KCNT1: variants seen among roughly 807,000 people sequenced by gnomAD.
KCNT1 encodes potassium channel subfamily T member 1.
In KCNT1, 78 loss-of-function variants were observed where a neutral mutation model predicts 147.8. That is an observed-to-expected ratio of 0.53 (90% CI 0.44 to 0.64). The LOEUF is 0.64. Among genes scored for constraint, KCNT1 ranks in the 30% least tolerant of loss-of-function variants. The probability of loss-of-function intolerance (pLI) is 0.00; values close to 1 mark genes in which losing one functional copy is unlikely to be tolerated. For missense variants in KCNT1, 1,419 were observed against 1,750.3 expected, an observed-to-expected ratio of 0.81 and a Z score of 3.38; for synonymous variants, 867 against 748.8, an observed-to-expected ratio of 1.16 and a Z score of -2.58.
intron 21 of KCNT1, among the ~76,000 whole-genome samples, chr9:135,777,985 A>ATGCTCTTAGCTCCTCCC (rs1564381310): frequency 6.9e-6 from 1 of 144,238 alleles, no homozygotes; most frequent in African/African-American, 2.6e-5. Context: ...CAGCTCCTCC[A>ATGCTCTTAGCTCCTCCC]TGCTCTCAGC....
intron 29 of KCNT1, among the ~76,000 whole-genome samples, chr9:135,787,019 C>A (rs949829784): frequency 2.0e-5 from 3 of 152,212 alleles, no homozygotes; most frequent in Non-Finnish European, 2.9e-5. Flanking sequence ...TCCCTGAGTT[C>A]TCGCAGAGAA....
At chr9:135,784,484 T>TC in intron 25 of KCNT1, 51 bp from the exon 26 acceptor site, 5 of 57,650 alleles carry the variant, frequency 8.7e-5, no homozygotes, top group South Asian at 4.5e-4. Flanking sequence ...TCACTGTGGC[T>TC]CCCTCCCTCC....
intron 2 of KCNT1, among the ~76,000 whole-genome samples, chr9:135,739,565 G>A (rs912561665): frequency 3.4e-4 from 52 of 151,806 alleles, no homozygotes; most frequent in African/African-American, 1.1e-3. Flanking sequence ...GCACACGCCC[G>A]GCGCCCCACC....
At chr9:135,779,271 A>ACC (rs779829846) in intron 23 of KCNT1, 88 bp from the exon 24 acceptor site, 3 of 445,898 alleles carry the variant, frequency 6.7e-6, no homozygotes, top group Non-Finnish European at 1.2e-5. Flanking sequence ...CCGCCCTGAG[A>ACC]CCCCCACAGC....
chr9:135,764,737 A>T (rs921462932), intron 11 of KCNT1, among the ~76,000 whole-genome samples: 3 of 151,978 alleles, frequency 2.0e-5, no homozygotes, highest in African/African-American at 7.3e-5. Flanking sequence ...GTGATCCCCA[A>T]TCCCACGGGC....
At chr9:135,741,706 G>A (rs1378331284) in intron 2 of KCNT1, among the ~76,000 whole-genome samples, 2 of 152,266 alleles carry the variant, frequency 1.3e-5, no homozygotes, top group Non-Finnish European at 2.9e-5. Flanking sequence ...AGAGCCTGGC[G>A]TAGGCCGATG....
intron 2 of KCNT1, among the ~76,000 whole-genome samples, chr9:135,749,081 C>T (rs1831000208): frequency 6.6e-6 from 1 of 152,248 alleles, no homozygotes; most frequent in Non-Finnish European, 1.5e-5. Flanking sequence ...GGGTCTTGCT[C>T]CTGTCTGTCC....
chr9:135,778,026 T>C (rs989603094), intron 21 of KCNT1, among the ~76,000 whole-genome samples: 1 of 143,638 alleles, frequency 7.0e-6, no homozygotes, highest in Non-Finnish European at 1.5e-5. Flanking sequence ...CCCACTCTGG[T>C]CCTCTCTCCC....
rs78275379 is a variant in KCNT1 at position 135,752,201 on chromosome 9, G to A, written c.434+1160G>A. On this transcript the variant is annotated intron_variant, in intron 4 of 30. Coordinates refer to ENST00000371757, the MANE Select transcript of KCNT1 (RefSeq NM_020822.3). This position sits in a 1 kb window ranked among gnomAD's most constrained non-coding sequence, Gnocchi z 5.1. ...TCCCCCCTCTGGCTGCGCAGAGCAG[G>A]TTCTTCCCTGGAGAGAAGGCCTGAC... The A allele has an allele frequency of 0.011, 3,868 of 367,986 alleles. 80 individuals carry two copies. The highest frequency in any genetic ancestry group is 0.048 in the African/African-American group (2,275 of 47,136). The allele number at this position is 367,986 out of a possible 1,614,324, so 22.8% of individuals were successfully genotyped here.
rs569591495 is a variant in KCNT1 at position 135,779,500 on chromosome 9, A to C, written c.2841+30A>C. ...GCAGCCCTGCCCCGTGCCAGCTGCC[A>C]CCCCAGAATCCCAGAAAGAGTGGGA... On this transcript the variant is annotated intron_variant, in intron 24 of 30. Coordinates refer to ENST00000371757, the MANE Select transcript of KCNT1 (RefSeq NM_020822.3). 1.8e-5 allele frequency: 27 copies of C among 1,475,450 alleles called. No homozygotes were observed. The East Asian group carries it at 3.4e-4, about 19-fold the overall frequency. 91.4% of individuals were successfully genotyped at this position (1,475,450 alleles called of 1,614,324 possible).
At chr9:135,780,812 C>G (rs573717242) in intron 24 of KCNT1, among the ~76,000 whole-genome samples, 1 of 152,196 alleles carries the variant, frequency 6.6e-6, no homozygotes, top group East Asian at 1.9e-4. Context: ...GTTCGGGTGC[C>G]GGGCCGCTCC....
intron 7 of KCNT1, 79 bp downstream of exon 7, chr9:135,757,011 C>T (rs1831534968): frequency 1.7e-6 from 2 of 1,160,944 alleles, no homozygotes; most frequent in Non-Finnish European, 2.5e-6. Context: ...ACCTCCCCCA[C>T]CCTCTCCTAT....
rs766684511 is a variant in KCNT1, at chr9:135,770,896, C to T, written c.1809C>T (p.Asn603=). Residue 603 remains asparagine (N), a synonymous_variant, in exon 18 of 31, where the codon AAC becomes AAT. Coordinates refer to ENST00000371757, the MANE Select transcript of KCNT1 (RefSeq NM_020822.3). ...TCATCGGGCTGAAGCGGGAGGACAA[C>T]AAGAGCATCCTGCTGAACCCGGGGC... is the stretch of plus-strand genomic sequence containing the variant. ...VCLIGLKRED[N]KSILLNPGPR... 1.9e-6 allele frequency: 3 copies of T among 1,600,184 alleles called. No individual in the cohort carries two copies. The highest frequency in any genetic ancestry group is 2.6e-6 in the Non-Finnish European group (3 of 1,173,006).
chr9:135,782,433 C>T (rs374410459), intron 24 of KCNT1, among the ~76,000 whole-genome samples: 1 of 152,190 alleles, frequency 6.6e-6, no homozygotes, highest in South Asian at 2.1e-4. Flanking sequence ...GATCTCTCCT[C>T]CTCACCAGGA....
At chr9:135,706,720 G>A (rs1184451450) in intron 1 of KCNT1, among the ~76,000 whole-genome samples, 1 of 152,218 alleles carries the variant, frequency 6.6e-6, no homozygotes, top group Non-Finnish European at 1.5e-5. Context: ...GCCTGGGGCA[G>A]ACCCCAGCTG....
At chr9:135,757,109 AC>A in intron 7 of KCNT1, 46 bp from the exon 8 acceptor site, 1 of 309,328 alleles carries the variant, frequency 3.2e-6, no homozygotes. Context: ...GCTGGGCCCC[AC>A]CCCCACCCTC....
At position 135,714,494 on chromosome 9, in the gene KCNT1, G is replaced by C. The variant is rs1390755743; in HGVS notation, c.111-83G>C. On this transcript the variant is annotated intron_variant, in intron 1 of 30. Coordinates refer to ENST00000371757, the MANE Select transcript of KCNT1 (RefSeq NM_020822.3). The surrounding 1 kb of genome is among the most constrained non-coding windows in gnomAD (Gnocchi z 6.2). ...GCGGTGGCCGCGGGCTGCGCTGCGCGGGCCGGGCCTGGCGGGCCGGGGGCT... is the reference window on the plus strand; with the variant it reads ...GCGGTGGCCGCGGGCTGCGCTGCGCCGGCCGGGCCTGGCGGGCCGGGGGCT... 3 of 915,300 alleles carry C rather than the reference G, an allele frequency of 3.3e-6. No individual in the cohort carries two copies. The highest frequency in any genetic ancestry group is 3.9e-6 in the Non-Finnish European group (3 of 769,004). The allele number at this position is 915,300 out of a possible 1,614,324, so 56.7% of individuals were successfully genotyped here.
chr9:135,736,602 C>A (rs1830349936), intron 2 of KCNT1: 2 of 150,046 alleles, frequency 1.3e-5, no homozygotes, highest in South Asian at 1.8e-4. Flanking sequence ...GCCCGCCGCC[C>A]GCCGCCCGCC....
Position 135,769,943 on chromosome 9 carries a change from G to C in KCNT1, c.1511-4G>C. On this transcript the variant is annotated splice_region_variant and splice_polypyrimidine_tract_variant and intron_variant, in intron 15 of 30. Transcript: ENST00000371757. Reference sequence around the variant, plus strand: ...GGTGGACCGGCCTCCCCCACTGCCCGCAGACCACGTGGTGTGTGAGGAGGA... The same window carrying C: ...GGTGGACCGGCCTCCCCCACTGCCCCCAGACCACGTGGTGTGTGAGGAGGA... The C allele has an allele frequency of 6.5e-7, 1 of 1,548,606 alleles. No individual in the cohort carries two copies.
Sources: gnomAD v4.1 joint callset for allele counts (sites outside exome capture counted in the v4.1 genomes callset) on GRCh38, gnomAD v4.1.1 for gene constraint, Gnocchi (gnomAD v3.1) non-coding constraint, MANE v1.5 for transcripts, NCBI Gene and HGNC (gene_info 2026-07-23, HGNC 2026-07-21) for gene names.